Variants in GRM5 observed in about 807,000 individuals in gnomAD.
GRM5 encodes the protein metabotropic glutamate receptor 5.
In GRM5, 19 loss-of-function variants were observed where a neutral mutation model predicts 83.1. The ratio of observed to expected loss-of-function variants is 0.23; its 90% CI spans 0.16 to 0.34. The LOEUF (loss-of-function observed/expected upper bound fraction) is 0.34. Among genes scored for constraint, GRM5 ranks in the 10% least tolerant of loss-of-function variants. The pLI, the probability that GRM5 is intolerant of heterozygous loss-of-function variation, is 1.00. For synonymous variants in GRM5, 675 were observed against 633.6 expected (o/e 1.07, Z -0.98); for missense variants, 1,160 against 1,588.3 (o/e 0.73, Z 4.58).
chr11:88,868,732 G>A (rs1334918593), intron 2 of GRM5, among the ~76,000 whole-genome samples: 1 of 151,718 alleles, frequency 6.6e-6, no homozygotes, highest in African/African-American at 2.4e-5. Flanking sequence ...TGAGTATTCA[G>A]TAGTTTTTCC....
rs371361896 is a variant in GRM5 at position 88,689,359 on chromosome 11, T to A, written c.912-35956A>T. On this transcript the variant is annotated intron_variant, in intron 3 of 9. Transcript: ENST00000305447. ...AAGAACAATATGACCTTATAGAAAG[T>A]GTTCCCAGTGTAGTTTTGAGGTGTG... Among the ~76,000 whole-genome samples, 10 of 152,324 alleles carry A rather than the reference T, an allele frequency of 6.6e-5. No homozygotes were observed. In the South Asian group the frequency reaches 2.1e-3, roughly 32 times the overall value.
At position 89,047,463 on chromosome 11, in the gene GRM5, A is replaced by T. The variant is rs72954992; in HGVS notation, c.410T>A (p.Phe137Tyr). ...CCCTACTATGGGCTTCTTGGAGCGG[A>T]AGGAAGAGGAGGAGCCATCCACACA... is the stretch of plus-strand genomic sequence containing the variant. ...VRCVDGSSSS[F>Y]RSKKPIVGVI... The change falls in exon 2 of 10, where the codon TTC becomes TAC. Residue 137 changes from phenylalanine (F) to tyrosine (Y), a missense_variant. Physicochemically the swap from Phe to Tyr is conservative, Grantham distance 22. Transcript: ENST00000305447. The surrounding 1 kb of genome is among the most constrained non-coding windows in gnomAD (Gnocchi z 5.1). 6.2e-7 allele frequency: 1 copy of T among 1,614,090 alleles called. No homozygotes were observed. The highest frequency in any genetic ancestry group is 1.1e-5 in the South Asian group (1 of 91,084).
chr11:88,609,972 C>T (rs975507409), intron 4 of GRM5, among the ~76,000 whole-genome samples: 1 of 152,152 alleles, frequency 6.6e-6, no homozygotes, highest in African/African-American at 2.4e-5. Context: ...GATCCCAGCA[C>T]CATTTATTGG....
At chr11:88,985,053 G>A (rs1036275859) in intron 2 of GRM5, among the ~76,000 whole-genome samples, 2 of 151,730 alleles carry the variant, frequency 1.3e-5, no homozygotes, top group African/African-American at 2.4e-5. Context: ...TACAGTCTAA[G>A]AAATAAATAC....
rs140594547 is a variant in GRM5, at chr11:88,642,112, C to T, written c.1147+11056G>A. Among the ~76,000 whole-genome samples the T allele has an allele frequency of 1.0e-2, 1,518 of 152,228 alleles. 25 individuals are homozygous for T. The highest frequency in any genetic ancestry group is 0.032 in the African/African-American group (1,349 of 41,552). On this transcript the variant is annotated intron_variant, in intron 4 of 9. Coordinates refer to ENST00000305447, the MANE Select transcript of GRM5 (RefSeq NM_001143831.3). ...CTTCTGAAATCGAGGTAGAGGCTGT[C>T]AGGCATTCTTCACTCTTGCAGTCTG...
chr11:88,919,811 T>C (rs1462378461), intron 2 of GRM5, among the ~76,000 whole-genome samples: 1 of 151,954 alleles, frequency 6.6e-6, no homozygotes, highest in Non-Finnish European at 1.5e-5. Context: ...AGTGGGCCCA[T>C]GAATAAATTA....
intron 3 of GRM5, among the ~76,000 whole-genome samples, chr11:88,771,191 T>C (rs1022175166): frequency 6.6e-6 from 1 of 152,076 alleles, no homozygotes; most frequent in African/African-American, 2.4e-5. Context: ...GACATGCTTG[T>C]ATTAGGGTTC....
intron 8 of GRM5, among the ~76,000 whole-genome samples, chr11:88,545,904 A>G (rs1942377862): frequency 6.6e-6 from 1 of 152,064 alleles, no homozygotes; most frequent in Admixed American, 6.6e-5. Flanking sequence ...TATTTTGTAT[A>G]TTGTCTGATC....
intron 4 of GRM5, among the ~76,000 whole-genome samples, chr11:88,607,993 T>G (rs943756943): frequency 2.0e-5 from 3 of 152,194 alleles, no homozygotes; most frequent in African/African-American, 7.2e-5. Context: ...CTTCAATGAT[T>G]TAGCACAGTA....
intron 2 of GRM5, among the ~76,000 whole-genome samples, chr11:89,041,747 T>TAG (rs1257846576): frequency 6.6e-6 from 1 of 152,190 alleles, no homozygotes; most frequent in Non-Finnish European, 1.5e-5. Flanking sequence ...TCTTTACAAT[T>TAG]AGAGTTGCCC....
chr11:88,748,590 G>A (rs556717672), intron 3 of GRM5, among the ~76,000 whole-genome samples: 4 of 152,128 alleles, frequency 2.6e-5, no homozygotes, highest in Non-Finnish European at 5.9e-5. Context: ...CTACCAGAAA[G>A]CATCCAGACT....
chr11:88,692,998 G>C (rs1405640745), intron 3 of GRM5, among the ~76,000 whole-genome samples: 1 of 152,160 alleles, frequency 6.6e-6, no homozygotes, highest in African/African-American at 2.4e-5. Flanking sequence ...TCACTGCACT[G>C]AGTGGTCTAC....
chr11:88,818,245 G>A (rs1191114433), intron 3 of GRM5, among the ~76,000 whole-genome samples: 1 of 152,016 alleles, frequency 6.6e-6, no homozygotes, highest in Non-Finnish European at 1.5e-5. Context: ...CACCACATTT[G>A]GTTTACTTGC....
At chr11:89,062,795 G>A (rs972532160) in intron 1 of GRM5, among the ~76,000 whole-genome samples, 3 of 152,210 alleles carry the variant, frequency 2.0e-5, no homozygotes, top group Non-Finnish European at 2.9e-5. Flanking sequence ...CGTTGGGCTC[G>A]GGCCACCGGC....
At chr11:88,813,248 T>C (rs1027533) in intron 3 of GRM5, among the ~76,000 whole-genome samples, 74,372 of 151,958 alleles carry the variant, frequency 0.49, 21,478 homozygotes, top group African/African-American at 0.76. Context: ...ATTTTATTCA[T>C]GTTTGTATCC....
At chr11:88,655,792 G>A (rs1939754038) in intron 3 of GRM5, among the ~76,000 whole-genome samples, 2 of 151,150 alleles carry the variant, frequency 1.3e-5, no homozygotes, top group African/African-American at 4.9e-5. Flanking sequence ...TGTTTCAGAT[G>A]TTTCCAATTA....
intron 2 of GRM5, among the ~76,000 whole-genome samples, chr11:89,025,644 T>C (rs981294736): frequency 6.6e-6 from 1 of 152,048 alleles, no homozygotes; most frequent in Non-Finnish European, 1.5e-5. Context: ...TTTAATAAAA[T>C]ATAAAGATAG....
intron 2 of GRM5, among the ~76,000 whole-genome samples, chr11:88,883,492 C>T (rs1944994420): frequency 6.6e-6 from 1 of 152,008 alleles, no homozygotes; most frequent in Admixed American, 6.6e-5. Context: ...TTCTAAGCAG[C>T]AAAGAATTCA....
At chr11:88,883,296 C>T (rs1367050254) in intron 2 of GRM5, among the ~76,000 whole-genome samples, 1 of 152,100 alleles carries the variant, frequency 6.6e-6, no homozygotes, top group Non-Finnish European at 1.5e-5. Flanking sequence ...TGGCTTTGAC[C>T]AAAATGCTGA....
Sources: allele counts gnomAD v4.1 joint callset (sites outside exome capture counted in the v4.1 genomes callset), GRCh38; gene constraint gnomAD v4.1.1; non-coding constraint Gnocchi (gnomAD v3.1); transcripts MANE v1.5; gene names NCBI Gene and HGNC (gene_info 2026-07-23, HGNC 2026-07-21).